The following ATP6V0E1 variants were observed in gnomAD, a reference collection of about 807,000 sequenced individuals.
ATP6V0E1 encodes ATPase H+ transporting V0 subunit e1, also known as V-type proton ATPase subunit e 1.
In ATP6V0E1, 4 loss-of-function variants were observed where a neutral mutation model predicts 11.6. The observed-to-expected ratio is 0.35, with a 90% CI of 0.17 to 0.79. The LOEUF is 0.79. ATP6V0E1 is among the 30% of genes least tolerant of loss of function. The probability of loss-of-function intolerance (pLI) is 0.54; values close to 1 mark genes in which losing one functional copy is unlikely to be tolerated. For synonymous variants in ATP6V0E1, 36 were observed against 34.8 expected (o/e 1.04, Z -0.13); for missense variants, 105 against 100.0 (o/e 1.05, Z -0.21).
chr5:173,027,518 GTA>G (rs1475314241), intron 3 of ATP6V0E1, among the ~76,000 whole-genome samples: 3 of 151,420 alleles, frequency 2.0e-5, no homozygotes, highest in Non-Finnish European at 4.4e-5. Context: ...AAAAAATAGT[GTA>G]TGAGTTTCTG....
intron 3 of ATP6V0E1, among the ~76,000 whole-genome samples, chr5:173,027,418 C>T (rs949331002): frequency 1.2e-4 from 18 of 149,930 alleles, no homozygotes; most frequent in Admixed American, 3.3e-4. Flanking sequence ...AGGAGAATGG[C>T]GTGAACCCAG....
chr5:173,017,152 G>A (rs1160725010), intron 2 of ATP6V0E1, among the ~76,000 whole-genome samples: 1 of 152,194 alleles, frequency 6.6e-6, no homozygotes, highest in Non-Finnish European at 1.5e-5. Flanking sequence ...CCTAGTTGGG[G>A]CTTGGCTAGT....
Position 172,994,948 on chromosome 5 carries a change from C to T in ATP6V0E1, c.152+126C>T, listed in dbSNP as rs963048293. ...TAGTGTCCTAAAATTGAAAATATCA[C>T]ACTTTTCATATGCTCAGTATATTTA... On this transcript the variant is annotated intron_variant, in intron 2 of 3. Coordinates refer to ENST00000519374, the MANE Select transcript of ATP6V0E1 (RefSeq NM_003945.4). 18 of 699,930 alleles carry T rather than the reference C, an allele frequency of 2.6e-5. No homozygotes were observed. In the African/African-American group the frequency reaches 2.9e-4, roughly 11 times the overall value. The allele number at this position is 699,930 out of a possible 1,614,324, so 43.4% of individuals were successfully genotyped here.
chr5:173,020,719 A>G, intron 3 of ATP6V0E1: 1 of 519,524 alleles, frequency 1.9e-6, no homozygotes. Context: ...AAAATTGAGC[A>G]GGTTTCTTTC....
intron 1 of ATP6V0E1, among the ~76,000 whole-genome samples, chr5:172,993,719 ATAT>A (rs535428313): frequency 7.5e-5 from 11 of 146,922 alleles, no homozygotes; most frequent in Admixed American, 6.2e-4. Flanking sequence ...AAAATTAAAA[ATAT>A]TAGCCAGGCC....
At chr5:173,004,282 C>T (rs2113592184) in intron 2 of ATP6V0E1, among the ~76,000 whole-genome samples, 1 of 152,234 alleles carries the variant, frequency 6.6e-6, no homozygotes, top group Non-Finnish European at 1.5e-5. Context: ...GTCAGCTTTT[C>T]ACAAGGTTGG....
chr5:173,031,027 C>G (rs1259609918), intron 3 of ATP6V0E1, among the ~76,000 whole-genome samples: 2 of 151,990 alleles, frequency 1.3e-5, no homozygotes, highest in African/African-American at 2.4e-5. Flanking sequence ...TCACCGCAAT[C>G]TCTGCCTCCC....
At chr5:172,988,482 T>A (rs1755931322) in intron 1 of ATP6V0E1, among the ~76,000 whole-genome samples, 1 of 152,142 alleles carries the variant, frequency 6.6e-6, no homozygotes, top group Non-Finnish European at 1.5e-5. Flanking sequence ...TAGGGATTTT[T>A]TTAAAAAGGA....
At chr5:173,026,355 C>T (rs992856390) in intron 3 of ATP6V0E1, among the ~76,000 whole-genome samples, 2 of 152,160 alleles carry the variant, frequency 1.3e-5, no homozygotes, top group African/African-American at 2.4e-5. Context: ...CACAATTAGA[C>T]TAAGTTGTTT....
chr5:173,002,990 C>A (rs898375995), intron 2 of ATP6V0E1, among the ~76,000 whole-genome samples: 1 of 152,154 alleles, frequency 6.6e-6, no homozygotes, highest in African/African-American at 2.4e-5. Context: ...GTTTTGAGAC[C>A]AGCCTGGGCA....
At chr5:172,990,319 T>G (rs757886601) in intron 1 of ATP6V0E1, among the ~76,000 whole-genome samples, 9 of 152,104 alleles carry the variant, frequency 5.9e-5, no homozygotes, top group Non-Finnish European at 8.8e-5. Context: ...TCCTGACCAT[T>G]CTAGTTTCTC....
chr5:173,024,846 C>CTTTTTTTT (rs542062411), intron 3 of ATP6V0E1, among the ~76,000 whole-genome samples: 4 of 136,210 alleles, frequency 2.9e-5, no homozygotes, highest in Non-Finnish European at 4.8e-5. Flanking sequence ...TTTCTTTTTT[C>CTTTTTTTT]TTTTTTTTTT....
chr5:173,000,014 A>G (rs1288078122), intron 2 of ATP6V0E1, among the ~76,000 whole-genome samples: 11 of 152,148 alleles, frequency 7.2e-5, no homozygotes, highest in Non-Finnish European at 2.9e-5. Context: ...ATTCAAAGGA[A>G]ATTTCACTGT....
chr5:173,002,325 T>C (rs1431400346), intron 2 of ATP6V0E1, among the ~76,000 whole-genome samples: 1 of 152,252 alleles, frequency 6.6e-6, no homozygotes, highest in African/African-American at 2.4e-5. Flanking sequence ...AAGGTCCACA[T>C]AAAGACCACA....
At chr5:173,017,803 T>C (rs1436624406) in intron 2 of ATP6V0E1, among the ~76,000 whole-genome samples, 1 of 136,128 alleles carries the variant, frequency 7.3e-6, no homozygotes, top group Non-Finnish European at 1.5e-5. Context: ...ATCGTGCCAC[T>C]GCACTCCAGC....
At chr5:173,014,999 TTC>T (rs1399250263) in intron 2 of ATP6V0E1, among the ~76,000 whole-genome samples, 1 of 152,228 alleles carries the variant, frequency 6.6e-6, no homozygotes, top group African/African-American at 2.4e-5. Flanking sequence ...CTTCTGGATA[TTC>T]TTTAGTGAAG....
At chr5:173,020,212 T>C in intron 2 of ATP6V0E1, 26 bp from the exon 3 acceptor site, 2 of 1,571,194 alleles carry the variant, frequency 1.3e-6, no homozygotes, top group Non-Finnish European at 1.8e-6. Context: ...CACCGCTTCG[T>C]TGTTTCTCTC....
intron 1 of ATP6V0E1, among the ~76,000 whole-genome samples, chr5:172,990,272 T>A (rs1755960407): frequency 6.6e-6 from 1 of 152,186 alleles, no homozygotes; most frequent in African/African-American, 2.4e-5. Flanking sequence ...AAGGGCCAGC[T>A]AAAATCAGGT....
chr5:173,023,993 G>A (rs1241969495), intron 3 of ATP6V0E1, among the ~76,000 whole-genome samples: 4 of 151,830 alleles, frequency 2.6e-5, no homozygotes, highest in Non-Finnish European at 5.9e-5. Context: ...TCAGGAGATC[G>A]AGACCATCAT....
Sources: gnomAD v4.1 joint callset for allele counts (sites outside exome capture counted in the v4.1 genomes callset) on GRCh38, gnomAD v4.1.1 for gene constraint, MANE v1.5 for transcripts, NCBI Gene and HGNC (gene_info 2026-07-23, HGNC 2026-07-21) for gene names.